The following SLC4A5 variants were observed in gnomAD, a reference collection of about 807,000 sequenced individuals.
SLC4A5 encodes the protein electrogenic sodium bicarbonate cotransporter 4.
Under a neutral mutation model 120.4 loss-of-function variants are expected in SLC4A5, and 96 were observed. The observed-to-expected ratio is 0.80, with a 90% CI of 0.68 to 0.94. The LOEUF is 0.94. Ranked by LOEUF, SLC4A5 falls within the 40% of genes least tolerant of loss-of-function variation. The pLI, the probability that SLC4A5 is intolerant of heterozygous loss-of-function variation, is 0.00. For synonymous variants in SLC4A5, 550 were observed against 571.1 expected, an observed-to-expected ratio of 0.96 and a Z score of 0.53; for missense variants, 1,259 against 1,459.5, an observed-to-expected ratio of 0.86 and a Z score of 2.24.
chr2:74,331,773 T>C (rs1324919264), intron 4 of SLC4A5, among the ~76,000 whole-genome samples: 3 of 152,102 alleles, frequency 2.0e-5, no homozygotes, highest in African/African-American at 7.2e-5. Flanking sequence ...TTGAGAAAAG[T>C]ACTCTCCACT....
intron 7 of SLC4A5, among the ~76,000 whole-genome samples, chr2:74,288,043 A>C (rs1287695509): frequency 6.6e-6 from 1 of 152,180 alleles, no homozygotes; most frequent in African/African-American, 2.4e-5. Context: ...ACATTGACAA[A>C]GGCAGAGGTT....
intron 7 of SLC4A5, among the ~76,000 whole-genome samples, chr2:74,291,089 T>C (rs1007368420): frequency 6.6e-6 from 1 of 152,144 alleles, no homozygotes; most frequent in African/African-American, 2.4e-5. Flanking sequence ...TGCTCGATAA[T>C]GTGCTATGTA....
chr2:74,287,781 C>T (rs1672030811), intron 7 of SLC4A5, among the ~76,000 whole-genome samples: 2 of 152,318 alleles, frequency 1.3e-5, no homozygotes, highest in South Asian at 2.1e-4. Flanking sequence ...ATCCTTATTT[C>T]ATCAGCTAGT....
At chr2:74,335,966 G>C (rs1210261055) in intron 3 of SLC4A5, among the ~76,000 whole-genome samples, 2 of 152,184 alleles carry the variant, frequency 1.3e-5, no homozygotes, top group East Asian at 1.9e-4. Context: ...TATGAGCTTA[G>C]AATGTACTGA....
intron 4 of SLC4A5, among the ~76,000 whole-genome samples, chr2:74,330,626 CAGATGGAGGTGGTGAGGTCT>C (rs1252125152): frequency 0.13 from 926 of 7,198 alleles, 14 homozygotes; most frequent in African/African-American, 0.29. Context: ...GTGGTGATGT[CAGATGGAGGTGGTGAGGTCT>C]AGATGGGGGT....
intron 25 of SLC4A5, 117 bp from the exon 26 acceptor site, chr2:74,227,995 G>A (rs75114876): frequency 0.044 from 30,826 of 698,162 alleles, 1,173 homozygotes; most frequent in African/African-American, 0.14. Context: ...ATATTTGGGG[G>A]AACAGAGAGT....
chr2:74,330,736 GGC>G (rs1673338845), intron 4 of SLC4A5, among the ~76,000 whole-genome samples: 2 of 146,908 alleles, frequency 1.4e-5, no homozygotes, highest in African/African-American at 2.5e-5. Flanking sequence ...AGATGGTGGT[GGC>G]AGTGAGGTCT....
chr2:74,219,183 G>T (rs376997974), intron 30 of SLC4A5, among the ~76,000 whole-genome samples: 9 of 90,854 alleles, frequency 9.9e-5, no homozygotes, highest in African/African-American at 4.6e-4. Context: ...GGAGGTGTGT[G>T]TGTGTGTGTG....
intron 4 of SLC4A5, among the ~76,000 whole-genome samples, chr2:74,328,575 C>CT (rs747722868): frequency 7.2e-5 from 11 of 152,100 alleles, no homozygotes; most frequent in Non-Finnish European, 1.3e-4. Flanking sequence ...AGAATCCAGC[C>CT]TTATCTCAAG....
At chr2:74,220,386 T>C (rs1694586917) in intron 30 of SLC4A5, among the ~76,000 whole-genome samples, 1 of 150,374 alleles carries the variant, frequency 6.7e-6, no homozygotes, top group Non-Finnish European at 1.5e-5. Flanking sequence ...CTCCATACCC[T>C]TTCTGACCTT....
At chr2:74,279,692 C>T (rs1363916362) in intron 8 of SLC4A5, among the ~76,000 whole-genome samples, 1 of 152,120 alleles carries the variant, frequency 6.6e-6, no homozygotes, top group Admixed American at 6.5e-5. Flanking sequence ...TAGAACCTGT[C>T]CAAAATGGAA....
intron 10 of SLC4A5, 66 bp from the exon 11 acceptor site, chr2:74,262,298 T>G: frequency 1.1e-5 from 14 of 1,326,016 alleles, no homozygotes; most frequent in Non-Finnish European, 1.4e-5. Context: ...CCTCTTGGGT[T>G]AGTTCACTTT....
chr2:74,241,974 CA>C lies in SLC4A5; in HGVS notation c.2118+19del, dbSNP rs1558873506. 1 of 1,596,614 alleles carries C rather than the reference CA, an allele frequency of 6.3e-7. No individual in the cohort carries two copies. The highest frequency in any genetic ancestry group is 1.1e-5 in the South Asian group (1 of 90,606). ...CAAACAAAAGCACTCAAATGTCTAA[CA>C]TAAGAGGAAAGGACTTACCAGAGAA... On this transcript the variant is annotated intron_variant, in intron 20 of 30. Transcript: ENST00000394019.
chr2:74,303,151 T>C (rs929945606), intron 7 of SLC4A5, among the ~76,000 whole-genome samples: 1 of 151,928 alleles, frequency 6.6e-6, no homozygotes, highest in Non-Finnish European at 1.5e-5. Flanking sequence ...ATTTTAACTA[T>C]AGCCCATCTC....
At chr2:74,301,095 C>A (rs976593906) in intron 7 of SLC4A5, among the ~76,000 whole-genome samples, 1 of 152,190 alleles carries the variant, frequency 6.6e-6, no homozygotes, top group Non-Finnish European at 1.5e-5. Context: ...TATTTCAAAA[C>A]TGTCCTGGAG....
At chr2:74,232,623 G>C (rs1670128905) in exon 24 of SLC4A5, 1 of 1,613,382 alleles carries the variant, frequency 6.2e-7, no homozygotes, top group African/African-American at 1.3e-5. Context: ...ACCCAGAACA[G>C]GTCCAGATGG....
At chr2:74,246,630 C>A (rs72818061) in intron 19 of SLC4A5, among the ~76,000 whole-genome samples, 1 of 152,236 alleles carries the variant, frequency 6.6e-6, no homozygotes, top group African/African-American at 2.4e-5. Context: ...TGTGGCCACA[C>A]GGGCAGCTCT....
chr2:74,305,922 C>T (rs980187324), intron 6 of SLC4A5, among the ~76,000 whole-genome samples: 8 of 152,036 alleles, frequency 5.3e-5, no homozygotes, highest in African/African-American at 1.4e-4. Context: ...AACAGGGTTT[C>T]GCCATGTTAG....
At chr2:74,254,345 C>T (rs546979385) in intron 14 of SLC4A5, among the ~76,000 whole-genome samples, 63 of 152,316 alleles carry the variant, frequency 4.1e-4, no homozygotes, top group Middle Eastern at 3.4e-3. Flanking sequence ...TCCTCCTTAG[C>T]TTTAAAGCCC....
Sources: allele counts gnomAD v4.1 joint callset (sites outside exome capture counted in the v4.1 genomes callset), GRCh38; gene constraint gnomAD v4.1.1; transcripts MANE v1.5; gene names NCBI Gene and HGNC (gene_info 2026-07-23, HGNC 2026-07-21).